ZFAND2A: variants seen among roughly 807,000 people sequenced by gnomAD.
The protein encoded by ZFAND2A is AN1-type zinc finger protein 2A.
ZFAND2A carries 20 observed loss-of-function variants against 11.6 expected under a neutral mutation model. That is an observed-to-expected ratio of 1.72 (90% CI 1.21 to 2.50). The LOEUF is 2.50. Ranked by LOEUF, ZFAND2A falls within the 30% of genes most tolerant of loss-of-function variation. The pLI is 0.00. For synonymous variants in ZFAND2A, 93 were observed against 60.6 expected, an observed-to-expected ratio of 1.54 and a Z score of -2.48; for missense variants, 234 against 182.9, an observed-to-expected ratio of 1.28 and a Z score of -1.61.
chr7:1,155,861 C>T (rs1015448778), intron 3 of ZFAND2A, among the ~76,000 whole-genome samples: 4 of 152,240 alleles, frequency 2.6e-5, no homozygotes, highest in Non-Finnish European at 5.9e-5. Context: ...GCTGGCACCG[C>T]CCAGGTGAGA....
chr7:1,158,203 G>T lies in ZFAND2A; in HGVS notation c.10C>A (p.Pro4Thr). Residue 4 changes from proline to threonine, a missense_variant, in exon 2 of 5, where the codon CCT becomes ACT. Transcript: ENST00000316495. ...TCTGAACAATGCTTCCCCAAATCAG[G>T]AAACTCCATTATGAGAACAGTGCTC... is the stretch of plus-strand genomic sequence containing the variant. MEF[P>T]DLGKHCSEKT... 6.2e-7 allele frequency: 1 copy of T among 1,614,044 alleles called. No homozygotes were observed. Among genetic ancestry groups the T allele is most frequent in the Non-Finnish European group, 8.5e-7 (1 of 1,179,990 alleles).
chr7:1,157,602 C>T, intron 3 of ZFAND2A, 54 bp downstream of exon 3: 1 of 1,508,486 alleles, frequency 6.6e-7, no homozygotes, highest in South Asian at 1.2e-5. Flanking sequence ...ACCAGCAAGA[C>T]AGTGCAGCTT....
chr7:1,151,131 G>A (rs1793389848), downstream of ZFAND2A, among the ~76,000 whole-genome samples: 1 of 151,916 alleles, frequency 6.6e-6, no homozygotes, highest in African/African-American at 2.4e-5. Context: ...CAGGTGATCC[G>A]CCTGCCTCCG....
At chr7:1,157,520 A>C (rs1298513210) in intron 3 of ZFAND2A, 136 bp downstream of exon 3, 3 of 804,896 alleles carry the variant, frequency 3.7e-6, no homozygotes, top group South Asian at 1.7e-5. Context: ...AAACGAGGCT[A>C]GTGGGACTGA....
At chr7:1,154,561 A>G (rs2128257775) in intron 4 of ZFAND2A, among the ~76,000 whole-genome samples, 1 of 152,304 alleles carries the variant, frequency 6.6e-6, no homozygotes, top group South Asian at 2.1e-4. Context: ...AGACCTCCAG[A>G]GGCTGAGGGT....
intron 4 of ZFAND2A, among the ~76,000 whole-genome samples, chr7:1,154,350 A>T (rs1330927781): frequency 6.6e-6 from 1 of 152,180 alleles, no homozygotes; most frequent in Non-Finnish European, 1.5e-5. Flanking sequence ...GCGACCATGC[A>T]GGAGGGACCC....
chr7:1,156,086 G>T (rs986403663), intron 3 of ZFAND2A, among the ~76,000 whole-genome samples: 2 of 152,262 alleles, frequency 1.3e-5, no homozygotes, highest in African/African-American at 4.8e-5. Flanking sequence ...GCAGGCCAAG[G>T]TTGTGAGGGC....
At chr7:1,157,925 T>C (rs1169921703) in intron 2 of ZFAND2A, among the ~76,000 whole-genome samples, 175 bp from the exon 3 acceptor site, 1 of 152,170 alleles carries the variant, frequency 6.6e-6, no homozygotes, top group Non-Finnish European at 1.5e-5. Context: ...AGACCCCCTA[T>C]GGCATCGCAA....
chr7:1,152,778 T>C (rs1050388586), downstream of ZFAND2A: 2 of 531,250 alleles, frequency 3.8e-6, no homozygotes, highest in Non-Finnish European at 6.9e-6. Flanking sequence ...CAGAAGGGGC[T>C]GGCCCTGCCG....
chr7:1,156,890 T>A (rs1404210478), intron 3 of ZFAND2A: 1 of 152,342 alleles, frequency 6.6e-6, no homozygotes. Context: ...GGCTTAGTCA[T>A]CCGTGCCTAG....
chr7:1,158,468 T>A (rs1249716900), intron 1 of ZFAND2A, among the ~76,000 whole-genome samples: 1 of 152,218 alleles, frequency 6.6e-6, no homozygotes, highest in East Asian at 1.9e-4. Flanking sequence ...TCCTAGTCTA[T>A]GAAGCACTCC....
rs555205063 is a variant in ZFAND2A at position 1,153,983 on chromosome 7, G to A, written c.283-759C>T. Reference sequence around the variant, plus strand: ...AAAAAAGCCGGTCAGCATTGAAGCTGGGGATTCCCGTGAAGATGGCCCGGA... The same window carrying A: ...AAAAAAGCCGGTCAGCATTGAAGCTAGGGATTCCCGTGAAGATGGCCCGGA... On this transcript the variant is annotated intron_variant, in intron 4 of 4. Coordinates refer to ENST00000316495, the MANE Select transcript of ZFAND2A (RefSeq NM_182491.4). 1.5e-3 allele frequency among the ~76,000 whole-genome samples: 221 copies of A among 152,136 alleles called. 1 individual carries two copies. The highest frequency in any genetic ancestry group is 2.2e-4 in the Non-Finnish European group (15 of 67,974).
rs769539571 is a variant in ZFAND2A at position 1,155,591 on chromosome 7, A to G, written c.151-7T>C. 1.2e-6 allele frequency: 2 copies of G among 1,611,356 alleles called. No individual in the cohort carries two copies. Among genetic ancestry groups the G allele is most frequent in the Admixed American group, 1.7e-5 (1 of 59,606 alleles). ...ATACTGGGACGTGAACATCCTAAAAATAACAAAGGTAAGATGGCATCTGAG... is the reference window on the plus strand; with the variant it reads ...ATACTGGGACGTGAACATCCTAAAAGTAACAAAGGTAAGATGGCATCTGAG... On this transcript the variant is annotated splice_polypyrimidine_tract_variant and splice_region_variant and intron_variant, in intron 3 of 4. Coordinates refer to ENST00000316495, the MANE Select transcript of ZFAND2A (RefSeq NM_182491.4).
chr7:1,149,490 C>A (rs949555658), downstream of ZFAND2A, among the ~76,000 whole-genome samples: 2 of 152,226 alleles, frequency 1.3e-5, no homozygotes, highest in Non-Finnish European at 2.9e-5. Flanking sequence ...TGTTTTGACA[C>A]AGGCTAGGGC....
At chr7:1,149,206 C>T (rs1171876336), downstream of ZFAND2A, among the ~76,000 whole-genome samples, 4 of 152,226 alleles carry the variant, frequency 2.6e-5, no homozygotes, top group Non-Finnish European at 5.9e-5. Context: ...TCACAGTTCA[C>T]ACACCCAGGT....
At chr7:1,157,900 C>T (rs1793570022) in intron 2 of ZFAND2A, 150 bp from the exon 3 acceptor site, 2 of 742,030 alleles carry the variant, frequency 2.7e-6, no homozygotes, top group South Asian at 1.8e-5. Flanking sequence ...ATCCCAGGGT[C>T]AGGCTGTCTT....
intron 4 of ZFAND2A, among the ~76,000 whole-genome samples, chr7:1,155,156 C>T (rs752658795): frequency 3.9e-5 from 6 of 152,136 alleles, no homozygotes; most frequent in Middle Eastern, 3.4e-3. Context: ...ACAAATGAAA[C>T]GCACATGAAC....
intron 1 of ZFAND2A, among the ~76,000 whole-genome samples, chr7:1,159,483 A>G (rs1397774853): frequency 7.0e-6 from 1 of 142,898 alleles, no homozygotes; most frequent in African/African-American, 2.6e-5. Context: ...GACCCCCAGC[A>G]GCCAGACCCC....
chr7:1,155,310 G>A (rs1793495892), intron 4 of ZFAND2A, 143 bp downstream of exon 4: 6 of 1,188,330 alleles, frequency 5.0e-6, no homozygotes, highest in Non-Finnish European at 5.6e-6. Context: ...CGCAGTTTAG[G>A]ACAGGGATAA....
Sources: allele counts gnomAD v4.1 joint callset (sites outside exome capture counted in the v4.1 genomes callset), GRCh38; gene constraint gnomAD v4.1.1; transcripts MANE v1.5; gene names NCBI Gene and HGNC (gene_info 2026-07-23, HGNC 2026-07-21).